Variants in PDE3B observed in about 807,000 individuals in gnomAD.
The protein encoded by PDE3B is cGMP-inhibited 3',5'-cyclic phosphodiesterase 3B.
A neutral mutation model predicts 116.8 loss-of-function variants in PDE3B; 66 were observed. That is an observed-to-expected ratio of 0.56 (90% CI 0.46 to 0.69). The LOEUF (loss-of-function observed/expected upper bound fraction) is 0.69. Among genes scored for constraint, PDE3B ranks in the 30% least tolerant of loss-of-function variants. The probability of loss-of-function intolerance (pLI) is 0.00; values close to 1 mark genes in which losing one functional copy is unlikely to be tolerated. For synonymous variants in PDE3B, 595 were observed against 533.6 expected, an observed-to-expected ratio of 1.12 and a Z score of -1.59; for missense variants, 1,384 against 1,368.1, an observed-to-expected ratio of 1.01 and a Z score of -0.18.
At chr11:14,764,150 G>T (rs558059898) in intron 1 of PDE3B, among the ~76,000 whole-genome samples, 22 of 152,192 alleles carry the variant, frequency 1.4e-4, no homozygotes, top group African/African-American at 5.3e-4. Context: ...GATTGCCAAA[G>T]GTATGAAGGA....
At chr11:14,729,707 G>A (rs1257546544) in intron 1 of PDE3B, among the ~76,000 whole-genome samples, 7 of 152,114 alleles carry the variant, frequency 4.6e-5, no homozygotes, top group Non-Finnish European at 7.4e-5. Context: ...CATAAAGTAT[G>A]ATTAATCTCT....
chr11:14,688,143 C>A (rs1011053638), intron 1 of PDE3B, among the ~76,000 whole-genome samples: 4 of 105,632 alleles, frequency 3.8e-5, no homozygotes, highest in Non-Finnish European at 5.8e-5. Context: ...CTCTCTCTCT[C>A]CCTCCCTCCC....
intron 7 of PDE3B, among the ~76,000 whole-genome samples, chr11:14,827,400 T>C (rs1213793064): frequency 1.3e-5 from 2 of 152,082 alleles, no homozygotes; most frequent in Non-Finnish European, 2.9e-5. Context: ...CAGACATGAT[T>C]CTATATCTAG....
intron 11 of PDE3B, among the ~76,000 whole-genome samples, chr11:14,837,446 G>A (rs140500956): frequency 3.3e-4 from 51 of 152,242 alleles, no homozygotes; most frequent in South Asian, 6.2e-4. Flanking sequence ...AAATGTCTAA[G>A]TTATCATTTG....
the PDE3B span, chr11:14,886,203 A>G: frequency 2.5e-6 from 1 of 400,562 alleles, no homozygotes; most frequent in Non-Finnish European, 4.6e-6. Flanking sequence ...AAGGTTTGCC[A>G]TTAAACAGAT....
At chr11:14,744,618 C>G (rs1856859953) in intron 1 of PDE3B, among the ~76,000 whole-genome samples, 1 of 152,064 alleles carries the variant, frequency 6.6e-6, no homozygotes, top group Admixed American at 6.6e-5. Flanking sequence ...CTCTTAAGAT[C>G]CCAATGTGCA....
chr11:14,741,531 A>G (rs1379080627), intron 1 of PDE3B, among the ~76,000 whole-genome samples: 1 of 151,664 alleles, frequency 6.6e-6, no homozygotes, highest in African/African-American at 2.4e-5. Context: ...ATGGGTCTTG[A>G]CTCTTTATTC....
chr11:14,711,190 A>G (rs1358991618), intron 1 of PDE3B, among the ~76,000 whole-genome samples: 1 of 152,224 alleles, frequency 6.6e-6, no homozygotes, highest in African/African-American at 2.4e-5. Context: ...ACCATTTACC[A>G]CATTTAGAAG....
chr11:14,677,450 A>G (rs1854563572), intron 1 of PDE3B, among the ~76,000 whole-genome samples: 1 of 152,220 alleles, frequency 6.6e-6, no homozygotes, highest in South Asian at 2.1e-4. Context: ...TCTATGTTTT[A>G]GATGTTGTTC....
At chr11:14,783,682 A>G (rs909653931) in intron 2 of PDE3B, among the ~76,000 whole-genome samples, 11 of 152,138 alleles carry the variant, frequency 7.2e-5, no homozygotes, top group Non-Finnish European at 1.5e-4. Flanking sequence ...TGATGGGTGC[A>G]GCACACCAGC....
At chr11:14,860,307 T>A (rs1037135309) in intron 13 of PDE3B, among the ~76,000 whole-genome samples, 5 of 152,060 alleles carry the variant, frequency 3.3e-5, no homozygotes, top group Admixed American at 6.5e-5. Flanking sequence ...GGCTCTAGAC[T>A]TCCTATTAAG....
At chr11:14,799,782 C>A (rs180983481) in intron 4 of PDE3B, among the ~76,000 whole-genome samples, 2 of 120,028 alleles carry the variant, frequency 1.7e-5, no homozygotes, top group Admixed American at 1.7e-4. Flanking sequence ...TTTTGCTTTC[C>A]ATTTTCTTGG....
intron 2 of PDE3B, among the ~76,000 whole-genome samples, chr11:14,776,825 T>G (rs1489544821): frequency 1.3e-5 from 2 of 151,998 alleles, no homozygotes; most frequent in African/African-American, 4.8e-5. Context: ...ACCCAGAGTC[T>G]TGTAAGTTAT....
chr11:14,751,612 G>C (rs901780347), intron 1 of PDE3B, among the ~76,000 whole-genome samples: 1 of 152,136 alleles, frequency 6.6e-6, no homozygotes, highest in African/African-American at 2.4e-5. Context: ...AGTTTATTTG[G>C]GAAGTGATCC....
intron 1 of PDE3B, among the ~76,000 whole-genome samples, chr11:14,764,127 T>C (rs1857432716): frequency 6.6e-6 from 1 of 151,990 alleles, no homozygotes; most frequent in Non-Finnish European, 1.5e-5. Context: ...GGACATGGTG[T>C]TTTTAGTTTA....
chr11:14,880,185 A>C, the PDE3B span: 1 of 1,612,962 alleles, frequency 6.2e-7, no homozygotes, highest in Non-Finnish European at 8.5e-7. Context: ...ACCGTAGCAC[A>C]TTGGTTGTAG....
intron 7 of PDE3B, among the ~76,000 whole-genome samples, chr11:14,828,297 A>G (rs1197286003): frequency 6.6e-6 from 1 of 152,240 alleles, no homozygotes; most frequent in African/African-American, 2.4e-5. Flanking sequence ...AAGCAATCAT[A>G]ACAAAAGCAA....
At chr11:14,647,564 GCTAAC>G (rs1435355396) in intron 1 of PDE3B, among the ~76,000 whole-genome samples, 1 of 151,958 alleles carries the variant, frequency 6.6e-6, no homozygotes, top group Non-Finnish European at 1.5e-5. Flanking sequence ...TGTTGACCTT[GCTAAC>G]CTATACTTTC....
rs557896226 is a variant in PDE3B, at chr11:14,793,412, G to T, written c.1415+4170G>T. ...AATTTTATGCGTGAAACAAAGTTTT[G>T]ACTATATTTTAACTGTGACCCATCT... On this transcript the variant is annotated intron_variant, in intron 4 of 15. Coordinates refer to ENST00000282096, the MANE Select transcript of PDE3B (RefSeq NM_000922.4). 2.6e-5 allele frequency among the ~76,000 whole-genome samples: 4 copies of T among 152,178 alleles called. No individual in the cohort carries two copies. In the South Asian group the frequency reaches 8.3e-4, roughly 32 times the overall value.
Sources: allele counts gnomAD v4.1 joint callset (sites outside exome capture counted in the v4.1 genomes callset), GRCh38; gene constraint gnomAD v4.1.1; transcripts MANE v1.5; gene names NCBI Gene and HGNC (gene_info 2026-07-23, HGNC 2026-07-21).